Variants in STAG1 observed in about 807,000 individuals in gnomAD.
STAG1 encodes cohesin subunit SA-1.
STAG1 carries 26 observed loss-of-function variants against 170.9 expected under a neutral mutation model. That is an observed-to-expected ratio of 0.15 (90% CI 0.11 to 0.21). The LOEUF is 0.21. Among genes scored for constraint, STAG1 ranks in the 10% least tolerant of loss-of-function variants. STAG1 has a pLI of 1.00. For synonymous variants in STAG1, 514 were observed against 497.7 expected (o/e 1.03, Z -0.44); for missense variants, 964 against 1,509.5 (o/e 0.64, Z 5.99).
intron 1 of STAG1, among the ~76,000 whole-genome samples, chr3:136,654,308 C>T (rs1941305063): frequency 6.6e-6 from 1 of 152,080 alleles, no homozygotes; most frequent in East Asian, 1.9e-4. Flanking sequence ...ACAAAGTCAA[C>T]ACACATAAAA....
chr3:136,646,602 G>T (rs1941023643), intron 1 of STAG1, among the ~76,000 whole-genome samples: 1 of 152,090 alleles, frequency 6.6e-6, no homozygotes, highest in Non-Finnish European at 1.5e-5. Flanking sequence ...GTGTTCCATA[G>T]CACTATAAGA....
intron 13 of STAG1, among the ~76,000 whole-genome samples, chr3:136,455,710 A>G (rs2089091620): frequency 6.6e-6 from 1 of 152,244 alleles, no homozygotes; most frequent in Non-Finnish European, 1.5e-5. Context: ...GCACAATCCA[A>G]GCGAAGGATC....
intron 5 of STAG1, among the ~76,000 whole-genome samples, chr3:136,567,484 T>C (rs1280723009): frequency 6.6e-6 from 1 of 152,234 alleles, no homozygotes; most frequent in African/African-American, 2.4e-5. Flanking sequence ...CTTTTACTCA[T>C]CTTTAATCTC....
chr3:136,624,798 G>A (rs565898882), intron 2 of STAG1, among the ~76,000 whole-genome samples: 5 of 152,158 alleles, frequency 3.3e-5, no homozygotes, highest in Non-Finnish European at 7.4e-5. Flanking sequence ...GACCAAAGTG[G>A]CATAACCAAA....
At chr3:136,545,952 G>A (rs1030508104) in intron 5 of STAG1, among the ~76,000 whole-genome samples, 2 of 152,036 alleles carry the variant, frequency 1.3e-5, no homozygotes, top group Non-Finnish European at 2.9e-5. Context: ...TAAAAATCAC[G>A]TATTGGCACA....
intron 1 of STAG1, among the ~76,000 whole-genome samples, chr3:136,711,725 A>T (rs919250887): frequency 6.6e-6 from 1 of 152,146 alleles, no homozygotes; most frequent in Non-Finnish European, 1.5e-5. Context: ...TGAAAACACA[A>T]CACTCCAGAG....
chr3:136,671,452 A>C (rs1299509482), intron 1 of STAG1, among the ~76,000 whole-genome samples: 1 of 152,208 alleles, frequency 6.6e-6, no homozygotes, highest in African/African-American at 2.4e-5. Flanking sequence ...ATAGGAAGAA[A>C]AGGCTAAAAG....
rs1038548343 is a variant in STAG1, at chr3:136,602,978, T to C, written c.297+1331A>G. On this transcript the variant is annotated intron_variant, in intron 4 of 33. Transcript: ENST00000383202. The stretch of plus-strand genomic sequence containing the variant: ...GGAAATTCAATACATGTTTCACCAT[T>C]TAGCATCATCCCACTAATCCACCTC... 1.1e-4 allele frequency among the ~76,000 whole-genome samples: 17 copies of C among 152,176 alleles called. 1 individual carries two copies. The highest frequency in any genetic ancestry group is 2.1e-4 in the South Asian group (1 of 4,834).
At chr3:136,452,956 A>G (rs2088988878) in intron 13 of STAG1, among the ~76,000 whole-genome samples, 2 of 151,978 alleles carry the variant, frequency 1.3e-5, no homozygotes, top group South Asian at 4.2e-4. Context: ...TGCTGGGCTA[A>G]TTTTTGTATT....
Position 136,702,113 on chromosome 3 carries a change from GAGAGAGAGACAGAGAGAC to G in STAG1, c.-84+50064_-84+50081del, listed in dbSNP as rs1474453885. 1.5e-3 allele frequency among the ~76,000 whole-genome samples: 115 copies of G among 77,394 alleles called. 1 individual carries two copies. The highest frequency in any genetic ancestry group is 5.9e-3 in the African/African-American group (105 of 17,652). 50.8% of individuals were successfully genotyped at this position (77,394 alleles called of 152,430 possible). ...AGAGAGAGAGAGAGAGAGAGAGAGA[GAGAGAGAGACAGAGAGAC>G]AGAGAGACAGAGAGACAGAGAGACA... On this transcript the variant is annotated intron_variant, in intron 1 of 33. Transcript: ENST00000383202.
intron 9 of STAG1, among the ~76,000 whole-genome samples, chr3:136,496,605 T>A (rs1576531946): frequency 6.6e-6 from 1 of 152,162 alleles, no homozygotes; most frequent in East Asian, 1.9e-4. Context: ...TTGAACTAAA[T>A]AAAAAATGCA....
In STAG1 at chr3:136,674,173, A is replaced by AGGAG. The variant is rs138530593; in HGVS notation, c.-83-43196_-83-43193dup. On this transcript the variant is annotated intron_variant, in intron 1 of 33. Transcript: ENST00000383202. Reference sequence around the variant, plus strand: ...AGGGAGAGAGGGAGGGAGGGAGGGAAGGAGGGAGGGAGGGAGGGAAGGAGG... The same window carrying AGGAG: ...AGGGAGAGAGGGAGGGAGGGAGGGAAGGAGGGAGGGAGGGAGGGAGGGAAGGAGG... Among the ~76,000 whole-genome samples the AGGAG allele has an allele frequency of 2.5e-4, 15 of 59,942 alleles. No individual in the cohort carries two copies. The East Asian group carries it at 3.7e-3, about 15-fold the overall frequency. The allele number at this position is 59,942 out of a possible 152,430, so 39.3% of individuals were successfully genotyped here. A position where few individuals can be genotyped will look rare whatever the true frequency, so the allele number is the denominator to read the frequency against.
intron 22 of STAG1, among the ~76,000 whole-genome samples, chr3:136,380,793 G>C (rs1937911399): frequency 6.6e-6 from 1 of 151,788 alleles, no homozygotes; most frequent in East Asian, 2.0e-4. Flanking sequence ...GCTGAGGTTG[G>C]CGGATCATCT....
intron 16 of STAG1, among the ~76,000 whole-genome samples, chr3:136,424,566 C>T (rs1361556777): frequency 6.6e-6 from 1 of 152,008 alleles, no homozygotes; most frequent in African/African-American, 2.4e-5. Flanking sequence ...CTCCTGACCG[C>T]AAGTGATCCG....
intron 1 of STAG1, among the ~76,000 whole-genome samples, chr3:136,747,374 G>A (rs770834012): frequency 7.2e-5 from 11 of 152,168 alleles, no homozygotes; most frequent in Non-Finnish European, 1.5e-4. Flanking sequence ...CTTAAGAGGA[G>A]TGTGATCCAA....
At chr3:136,448,867 AG>A (rs2088858639) in intron 14 of STAG1, among the ~76,000 whole-genome samples, 1 of 152,016 alleles carries the variant, frequency 6.6e-6, no homozygotes, top group African/African-American at 2.4e-5. Flanking sequence ...TGAACCCAGG[AG>A]GCAGAGGTTG....
At chr3:136,373,668 T>A (rs1431009321) in intron 23 of STAG1, among the ~76,000 whole-genome samples, 10 of 152,154 alleles carry the variant, frequency 6.6e-5, no homozygotes, top group Non-Finnish European at 1.2e-4. Context: ...TTTGAGTGAG[T>A]TTCTTAATCC....
intron 7 of STAG1, among the ~76,000 whole-genome samples, chr3:136,516,847 G>A (rs762744942): frequency 6.6e-6 from 1 of 152,138 alleles, no homozygotes; most frequent in Non-Finnish European, 1.5e-5. Flanking sequence ...TTAAGGACTT[G>A]TCCAAGGTTA....
Position 136,421,255 on chromosome 3 carries a change from T to C in STAG1, c.2038-92A>G, listed in dbSNP as rs1382366200. ...CCTAAATAAAAATTCTTCTAAATTATATTAATAGTATATATTCATTGTAGA... is the reference window on the plus strand; with the variant it reads ...CCTAAATAAAAATTCTTCTAAATTACATTAATAGTATATATTCATTGTAGA... On this transcript the variant is annotated intron_variant, in intron 19 of 33. Transcript: ENST00000383202. 6 of 671,482 alleles carry C rather than the reference T, an allele frequency of 8.9e-6. No homozygotes were observed. In the East Asian group the frequency reaches 1.9e-4, roughly 22 times the overall value. 41.6% of individuals were successfully genotyped at this position (671,482 alleles called of 1,614,324 possible).
Sources: gnomAD v4.1 joint callset for allele counts (sites outside exome capture counted in the v4.1 genomes callset) on GRCh38, gnomAD v4.1.1 for gene constraint, MANE v1.5 for transcripts, NCBI Gene and HGNC (gene_info 2026-07-23, HGNC 2026-07-21) for gene names.